The following PDGFD variants were observed in gnomAD, a reference collection of about 807,000 sequenced individuals.
PDGFD encodes the protein platelet-derived growth factor D.
A neutral mutation model predicts 44.7 loss-of-function variants in PDGFD; 30 were observed. The ratio of observed to expected loss-of-function variants is 0.67; its 90% CI spans 0.50 to 0.91. PDGFD has a LOEUF of 0.91. Ranked by LOEUF, PDGFD falls within the 40% of genes least tolerant of loss-of-function variation. The pLI is 0.00. For synonymous variants in PDGFD, 173 were observed against 168.4 expected (o/e 1.03, Z -0.21); for missense variants, 445 against 457.8 (o/e 0.97, Z 0.25).
chr11:104,044,345 A>G (rs1860405929), intron 1 of PDGFD, among the ~76,000 whole-genome samples: 2 of 152,194 alleles, frequency 1.3e-5, no homozygotes, highest in South Asian at 4.1e-4. Context: ...TGGTTGCCTT[A>G]GTGCTTTATG....
chr11:104,150,345 C>A (rs1331244294), intron 1 of PDGFD, among the ~76,000 whole-genome samples: 1 of 152,098 alleles, frequency 6.6e-6, no homozygotes, highest in Non-Finnish European at 1.5e-5. Flanking sequence ...CTAAGAAATT[C>A]TCAGAAGCAG....
chr11:103,925,965 G>T (rs958759763), intron 6 of PDGFD, among the ~76,000 whole-genome samples: 21 of 152,054 alleles, frequency 1.4e-4, no homozygotes, highest in Admixed American at 2.0e-4. Flanking sequence ...CTGACCTCAG[G>T]TGATCCACCC....
chr11:104,062,341 A>T (rs1358236386), intron 1 of PDGFD, among the ~76,000 whole-genome samples: 1 of 152,156 alleles, frequency 6.6e-6, no homozygotes, highest in African/African-American at 2.4e-5. Flanking sequence ...AAATTCCTCC[A>T]TCTGTTCTTT....
chr11:103,907,233 T>C lies in PDGFD; in HGVS notation c.*2461A>G, dbSNP rs191068802. On this transcript the variant is annotated 3_prime_UTR_variant, in exon 7 of 7. Coordinates refer to ENST00000393158, the MANE Select transcript of PDGFD (RefSeq NM_025208.5). ...TTATTTTTCATGAAGATAAGAGGCA[T>C]ATTACATTCGCTATAGAAAATGCTA... 8.5e-5 allele frequency: 13 copies of C among 152,254 alleles called. No individual in the cohort carries two copies. In the East Asian group the frequency reaches 2.5e-3, roughly 29 times the overall value. The allele number at this position is 152,254 out of a possible 1,614,324, so 9.4% of individuals were successfully genotyped here.
chr11:104,146,747 G>C (rs1291327907), intron 1 of PDGFD, among the ~76,000 whole-genome samples: 1 of 151,960 alleles, frequency 6.6e-6, no homozygotes, highest in Non-Finnish European at 1.5e-5. Context: ...CATCTGAATT[G>C]TACTTGGCTG....
rs1323856165 is a variant in PDGFD at position 103,908,506 on chromosome 11, G to GA, written c.*1187dup. Reference sequence around the variant, plus strand: ...AAATCAGAACAGTGAGCAAGTATACGATTAGAAATTTACATTAATAAAATG... The same window carrying GA: ...AAATCAGAACAGTGAGCAAGTATACGAATTAGAAATTTACATTAATAAAATG... On this transcript the variant is annotated 3_prime_UTR_variant, in exon 7 of 7. Transcript: ENST00000393158. 6.6e-6 allele frequency: 1 copy of GA among 152,144 alleles called. No homozygotes were observed. Among genetic ancestry groups the GA allele is most frequent in the African/African-American group, 2.4e-5 (1 of 41,434 alleles). The allele number at this position is 152,144 out of a possible 1,614,324, so 9.4% of individuals were successfully genotyped here. A position where few individuals can be genotyped will look rare whatever the true frequency, so the allele number is the denominator to read the frequency against.
At chr11:104,037,286 A>G in intron 1 of PDGFD, 2 of 1,613,232 alleles carry the variant, frequency 1.2e-6, no homozygotes, top group Non-Finnish European at 8.5e-7. Context: ...TCCAACCCCC[A>G]CGATCTGTCC....
In PDGFD at chr11:104,063,319, T is replaced by TGA. The variant is rs1210675995; in HGVS notation, c.125-63066_125-63065dup. On this transcript the variant is annotated intron_variant, in intron 1 of 6. Transcript: ENST00000393158. ...ATGCTGTTTTAGACGTGTGTGTGTGTGAGAGAGAGAGGAGAGAGAGAGAGA... is the reference window on the plus strand; with the variant it reads ...ATGCTGTTTTAGACGTGTGTGTGTGTGAGAGAGAGAGAGGAGAGAGAGAGAGA... Among the ~76,000 whole-genome samples, 11 of 151,148 alleles carry TGA rather than the reference T, an allele frequency of 7.3e-5. No homozygotes were observed. The East Asian group carries it at 1.8e-3, about 24-fold the overall frequency.
intron 1 of PDGFD, among the ~76,000 whole-genome samples, chr11:104,047,653 C>G (rs1355664886): frequency 6.8e-6 from 1 of 146,980 alleles, no homozygotes; most frequent in Non-Finnish European, 1.5e-5. Context: ...TGAGAATATG[C>G]TTTTAAATTC....
At chr11:103,960,853 TAGAG>T (rs140274188) in intron 3 of PDGFD, among the ~76,000 whole-genome samples, 7,796 of 151,288 alleles carry the variant, frequency 0.052, 216 homozygotes, top group Middle Eastern at 0.062. Flanking sequence ...CCACACATGG[TAGAG>T]AGAGAGAGAG....
intron 1 of PDGFD, among the ~76,000 whole-genome samples, chr11:104,127,511 A>G (rs1861857808): frequency 6.6e-6 from 1 of 152,176 alleles, no homozygotes; most frequent in Non-Finnish European, 1.5e-5. Context: ...AAGCATTAAC[A>G]TCACACATGT....
At chr11:103,997,536 G>C (rs760696811) in intron 2 of PDGFD, among the ~76,000 whole-genome samples, 4 of 152,140 alleles carry the variant, frequency 2.6e-5, no homozygotes, top group Non-Finnish European at 5.9e-5. Flanking sequence ...AATTTTACCA[G>C]CTCCATATCT....
chr11:103,954,406 G>C (rs1858806024), intron 3 of PDGFD, among the ~76,000 whole-genome samples: 1 of 152,110 alleles, frequency 6.6e-6, no homozygotes. Context: ...TCAAACATTT[G>C]GGATGATTAG....
chr11:103,939,048 G>C (rs1044016734), intron 5 of PDGFD, among the ~76,000 whole-genome samples: 3 of 152,040 alleles, frequency 2.0e-5, no homozygotes, highest in Non-Finnish European at 4.4e-5. Context: ...GCTCTTTTTT[G>C]GTTCCACATG....
At chr11:104,141,073 C>T (rs1343517723) in intron 1 of PDGFD, among the ~76,000 whole-genome samples, 4 of 152,292 alleles carry the variant, frequency 2.6e-5, no homozygotes, top group African/African-American at 4.8e-5. Context: ...ACACAATTTA[C>T]GGTGCTCACT....
chr11:104,158,307 C>T (rs1286258278), intron 1 of PDGFD, among the ~76,000 whole-genome samples: 1 of 152,230 alleles, frequency 6.6e-6, no homozygotes, highest in Non-Finnish European at 1.5e-5. Context: ...TACACGTGTT[C>T]AGCCTCCTTG....
intron 1 of PDGFD, among the ~76,000 whole-genome samples, chr11:104,019,661 T>A (rs927348956): frequency 6.6e-6 from 1 of 152,176 alleles, no homozygotes; most frequent in African/African-American, 2.4e-5. Context: ...TTCTGAAATA[T>A]TGTGTTGAAA....
At chr11:104,010,259 A>G (rs993799827) in intron 1 of PDGFD, among the ~76,000 whole-genome samples, 2 of 151,930 alleles carry the variant, frequency 1.3e-5, no homozygotes, top group African/African-American at 4.8e-5. Flanking sequence ...AGCCATGCTC[A>G]CAGTAACAAT....
intron 1 of PDGFD, among the ~76,000 whole-genome samples, chr11:104,111,560 G>C (rs1033912629): frequency 6.6e-6 from 1 of 151,584 alleles, no homozygotes; most frequent in Non-Finnish European, 1.5e-5. Context: ...GCCTGGCCCT[G>C]TATTGATTAT....
Sources: gnomAD v4.1 joint callset for allele counts (sites outside exome capture counted in the v4.1 genomes callset) on GRCh38, gnomAD v4.1.1 for gene constraint, MANE v1.5 for transcripts, NCBI Gene and HGNC (gene_info 2026-07-23, HGNC 2026-07-21) for gene names.